ABCA13: variants seen among roughly 807,000 people sequenced by gnomAD.
ABCA13 encodes the protein ATP binding cassette subfamily A member 13.
In ABCA13, 476 loss-of-function variants were observed where a neutral mutation model predicts 478.7. That is an observed-to-expected ratio of 0.99 (90% CI 0.92 to 1.07). The LOEUF (loss-of-function observed/expected upper bound fraction) is 1.07, where lower values mean the gene tolerates loss of function less well. ABCA13 is among the 50% of genes least tolerant of loss of function. The pLI is 0.00. For missense variants in ABCA13, 6,060 were observed against 5,910.6 expected (o/e 1.03, Z -0.83); for synonymous variants, 2,252 against 2,158.9 (o/e 1.04, Z -1.20).
chr7:48,459,398 A>G (rs902890251), intron 43 of ABCA13, among the ~76,000 whole-genome samples: 1 of 152,190 alleles, frequency 6.6e-6, no homozygotes, highest in East Asian at 1.9e-4. Context: ...ACAATCATAC[A>G]TGATGTTGCT....
intron 15 of ABCA13, among the ~76,000 whole-genome samples, chr7:48,255,042 A>T (rs1385885529): frequency 6.6e-6 from 1 of 152,190 alleles, no homozygotes; most frequent in African/African-American, 2.4e-5. Context: ...CTTAAAAATC[A>T]TTAAAAATAT....
At chr7:48,350,136 A>C (rs1243513512) in intron 29 of ABCA13, among the ~76,000 whole-genome samples, 1 of 152,248 alleles carries the variant, frequency 6.6e-6, no homozygotes, top group African/African-American at 2.4e-5. Context: ...GACAAAGACT[A>C]CACAAGGATT....
At chr7:48,569,017 T>A (rs2131308810) in intron 55 of ABCA13, among the ~76,000 whole-genome samples, 1 of 152,148 alleles carries the variant, frequency 6.6e-6, no homozygotes, top group Admixed American at 6.5e-5. Flanking sequence ...TGTTCCCTTT[T>A]GTTGGTCATT....
At chr7:48,511,576 A>G (rs1459072100) in intron 51 of ABCA13, among the ~76,000 whole-genome samples, 1 of 152,056 alleles carries the variant, frequency 6.6e-6, no homozygotes, top group Non-Finnish European at 1.5e-5. Context: ...GCTCTCTGGC[A>G]TTTTTTCTCC....
intron 38 of ABCA13, among the ~76,000 whole-genome samples, chr7:48,392,707 G>A (rs1388193004): frequency 6.6e-6 from 1 of 152,214 alleles, no homozygotes; most frequent in Non-Finnish European, 1.5e-5. Flanking sequence ...GATCATAGCA[G>A]GTGCCATGGG....
At chr7:48,287,889 G>A (rs1268605352) in intron 19 of ABCA13, 71 bp from the exon 20 acceptor site, 3 of 1,161,104 alleles carry the variant, frequency 2.6e-6, no homozygotes, top group African/African-American at 1.5e-5. Context: ...TTTAAAAAGT[G>A]ATTTTGTGAG....
At position 48,179,878 on chromosome 7, in the gene ABCA13, C is replaced by G. The variant is rs574660758; in HGVS notation, c.69+8326C>G. ...CTCTCTGCCAACAATCATCATGCACCTGAGCCCAGGACATCAGTCCTATTT... is the reference window on the plus strand; with the variant it reads ...CTCTCTGCCAACAATCATCATGCACGTGAGCCCAGGACATCAGTCCTATTT... On this transcript the variant is annotated intron_variant, in intron 1 of 61. Coordinates refer to ENST00000435803, the MANE Select transcript of ABCA13 (RefSeq NM_152701.5). Among the ~76,000 whole-genome samples the G allele has an allele frequency of 2.0e-5, 3 of 152,310 alleles. No homozygotes were observed. The South Asian group carries it at 6.2e-4, about 32-fold the overall frequency.
chr7:48,260,233 G>T (rs572704810), intron 15 of ABCA13, among the ~76,000 whole-genome samples: 2 of 152,154 alleles, frequency 1.3e-5, no homozygotes, highest in African/African-American at 4.8e-5. Context: ...TTTCTCATCT[G>T]TGTCAGCTGA....
At chr7:48,436,843 G>A (rs1456053374) in intron 42 of ABCA13, among the ~76,000 whole-genome samples, 1 of 149,054 alleles carries the variant, frequency 6.7e-6, no homozygotes, top group South Asian at 2.1e-4. Context: ...TTTTTCTGTT[G>A]TTGATTTCTA....
rs55908191 is a variant in ABCA13, at chr7:48,630,817, G to GTT, written c.14838-12460_14838-12459dup. Among the ~76,000 whole-genome samples, 1,032 of 147,338 alleles carry GTT rather than the reference G, an allele frequency of 7.0e-3. 3 individuals carry two copies. The highest frequency in any genetic ancestry group is 0.01 in the African/African-American group (422 of 40,296). ...TTTCTCCACAGCCTTGCCAGCATCT[G>GTT]TTTTTTTTTTTTCTTTTTAATAATA... On this transcript the variant is annotated intron_variant, in intron 59 of 61. Coordinates refer to ENST00000435803, the MANE Select transcript of ABCA13 (RefSeq NM_152701.5).
chr7:48,503,917 A>C (rs1830972796), intron 48 of ABCA13, among the ~76,000 whole-genome samples: 1 of 152,238 alleles, frequency 6.6e-6, no homozygotes, highest in South Asian at 2.1e-4. Flanking sequence ...TCCCACCAGC[A>C]GGATAAAAAT....
At chr7:48,416,156 A>G (rs963987523) in intron 41 of ABCA13, among the ~76,000 whole-genome samples, 4 of 152,210 alleles carry the variant, frequency 2.6e-5, no homozygotes, top group South Asian at 4.1e-4. Flanking sequence ...TATCTCCTTT[A>G]TAAGTGTTAT....
intron 7 of ABCA13, among the ~76,000 whole-genome samples, chr7:48,232,139 A>ATTTTTTTTGTTTTTTTT (rs1789204724): frequency 1.9e-5 from 1 of 51,318 alleles, no homozygotes; most frequent in African/African-American, 8.0e-5. Flanking sequence ...CCCACATGGA[A>ATTTTTTTTGTTTTTTTT]TTTTTTTTTT....
intron 41 of ABCA13, among the ~76,000 whole-genome samples, chr7:48,418,773 A>T (rs891210057): frequency 1.3e-5 from 2 of 152,196 alleles, no homozygotes; most frequent in African/African-American, 4.8e-5. Flanking sequence ...TTCAGATTAG[A>T]CACTGTTATA....
chr7:48,193,447 G>A (rs1230991972), intron 2 of ABCA13, among the ~76,000 whole-genome samples: 6 of 151,906 alleles, frequency 3.9e-5, no homozygotes, highest in African/African-American at 7.3e-5. Context: ...TGATGCTGAT[G>A]ATATGATGAT....
intron 43 of ABCA13, among the ~76,000 whole-genome samples, chr7:48,465,410 A>G (rs1315849348): frequency 1.3e-5 from 2 of 152,190 alleles, no homozygotes; most frequent in Admixed American, 6.5e-5. Flanking sequence ...TTTTAATGCT[A>G]ATAGCAATTC....
chr7:48,195,962 G>C (rs1348938340), intron 2 of ABCA13, among the ~76,000 whole-genome samples: 1 of 151,800 alleles, frequency 6.6e-6, no homozygotes. Flanking sequence ...CAAAGGGAGT[G>C]AAAAAAGGGA....
intron 20 of ABCA13, among the ~76,000 whole-genome samples, chr7:48,291,899 C>G (rs1443658272): frequency 6.6e-6 from 1 of 152,122 alleles, no homozygotes; most frequent in Non-Finnish European, 1.5e-5. Context: ...ACTCAGCTCC[C>G]GGCACTTTCC....
intron 2 of ABCA13, among the ~76,000 whole-genome samples, chr7:48,193,751 C>G (rs138597976): frequency 4.6e-5 from 7 of 151,298 alleles, no homozygotes. Context: ...ATGCTGGTGA[C>G]GATAGTGATG....
Sources: allele counts gnomAD v4.1 joint callset (sites outside exome capture counted in the v4.1 genomes callset), GRCh38; gene constraint gnomAD v4.1.1; transcripts MANE v1.5; gene names NCBI Gene and HGNC (gene_info 2026-07-23, HGNC 2026-07-21).